Variants in PPP2R3A observed in about 807,000 individuals in gnomAD.
PPP2R3A encodes serine/threonine-protein phosphatase 2A regulatory subunit B'' subunit alpha.
Under a neutral mutation model 106.9 loss-of-function variants are expected in PPP2R3A, and 80 were observed. The observed-to-expected ratio is 0.75, with a 90% CI of 0.62 to 0.90. The LOEUF is 0.90. Among genes scored for constraint, PPP2R3A ranks in the 40% least tolerant of loss-of-function variants. The probability of loss-of-function intolerance (pLI) is 0.00; values close to 1 mark genes in which losing one functional copy is unlikely to be tolerated. For missense variants in PPP2R3A, 1,386 were observed against 1,350.4 expected (o/e 1.03, Z -0.41); for synonymous variants, 483 against 468.3 (o/e 1.03, Z -0.41).
chr3:135,973,805 C>A (rs928565818), intron 1 of PPP2R3A, among the ~76,000 whole-genome samples: 3 of 152,148 alleles, frequency 2.0e-5, no homozygotes, highest in Admixed American at 1.3e-4. Flanking sequence ...CACTATGTGC[C>A]AGGCACTGTT....
chr3:136,067,880 A>G (rs1371788648), intron 5 of PPP2R3A, among the ~76,000 whole-genome samples: 1 of 152,208 alleles, frequency 6.6e-6, no homozygotes, highest in Non-Finnish European at 1.5e-5. Context: ...CAAGATAAAC[A>G]TGGGTCATCT....
rs1479783435 is a variant in PPP2R3A at position 136,064,993 on chromosome 3, T to G, written c.2470-5485T>G. Among the ~76,000 whole-genome samples, 7 of 152,026 alleles carry G rather than the reference T, an allele frequency of 4.6e-5. No homozygotes were observed. In the East Asian group the frequency reaches 1.3e-3, roughly 29 times the overall value. ...CCTGCACAACATAAAAGTCAAAATA[T>G]TGCCAATAAAATATGAAGGTAAAAG... On this transcript the variant is annotated intron_variant, in intron 5 of 13. Transcript: ENST00000264977.
rs1401407528 is a variant in PPP2R3A at position 136,106,199 on chromosome 3, GTCT to G, written c.3223-12_3223-10del. 3 of 1,597,260 alleles carry G rather than the reference GTCT, an allele frequency of 1.9e-6. No individual in the cohort carries two copies. In the South Asian group the frequency reaches 3.4e-5, roughly 18 times the overall value. The stretch of plus-strand genomic sequence containing the variant: ...TTGATTTTTTTTATTTCTCGTGGCT[GTCT>G]TCTTTCCAATCAGGATGTTGAGAAC... On this transcript the variant is annotated splice_polypyrimidine_tract_variant and intron_variant, in intron 12 of 13. Coordinates refer to ENST00000264977, the MANE Select transcript of PPP2R3A (RefSeq NM_002718.5).
Position 136,139,563 on chromosome 3 carries a change from T to G in PPP2R3A, c.3330-5480T>G, listed in dbSNP as rs564843973. Among the ~76,000 whole-genome samples the G allele has an allele frequency of 7.9e-5, 12 of 151,930 alleles. No individual in the cohort carries two copies. In the South Asian group the frequency reaches 2.5e-3, roughly 32 times the overall value. On this transcript the variant is annotated intron_variant, in intron 13 of 13. Coordinates refer to ENST00000264977, the MANE Select transcript of PPP2R3A (RefSeq NM_002718.5). ...CAAAAGTTAGCTGGGCATGGTGTTA[T>G]GTGCCTGTAATCCCAACTACTCACG...
chr3:135,966,126 G>T (rs1203884204), intron 1 of PPP2R3A, among the ~76,000 whole-genome samples: 1 of 152,110 alleles, frequency 6.6e-6, no homozygotes, highest in South Asian at 2.1e-4. Context: ...CCTGCCCCAG[G>T]GGCGCCCGCG....
intron 13 of PPP2R3A, among the ~76,000 whole-genome samples, chr3:136,119,459 A>G (rs1282670794): frequency 2.0e-5 from 3 of 152,226 alleles, no homozygotes; most frequent in East Asian, 1.9e-4. Context: ...AATTTTTGCA[A>G]TCTATCCATC....
chr3:136,103,913 C>G (rs1937447446), intron 12 of PPP2R3A, among the ~76,000 whole-genome samples: 1 of 152,148 alleles, frequency 6.6e-6, no homozygotes, highest in South Asian at 2.1e-4. Flanking sequence ...GCTGAATATC[C>G]TTCCCCAGAC....
chr3:136,097,854 T>C (rs1937251872), intron 10 of PPP2R3A, among the ~76,000 whole-genome samples: 1 of 152,184 alleles, frequency 6.6e-6, no homozygotes. Context: ...CAACCAGATA[T>C]TATTACATGT....
At position 136,001,948 on chromosome 3, in the gene PPP2R3A, A is replaced by G. The variant is rs1169398670; in HGVS notation, c.450A>G (p.Ser150=). Residue 150 remains serine, a synonymous_variant, in exon 2 of 14, where the codon TCA becomes TCG. Transcript: ENST00000264977. The part of the protein sequence containing the change: ...YRKGRKVKSD[S]FNRRSVDLDL... ...AGGGAAGGAAAGTTAAGTCTGACTC[A>G]TTTAATAGGAGGTCAGTTGATTTGG... The G allele has an allele frequency of 3.7e-6, 6 of 1,614,190 alleles. No individual in the cohort carries two copies. Among genetic ancestry groups the G allele is most frequent in the Non-Finnish European group, 5.1e-6 (6 of 1,180,022 alleles).
intron 2 of PPP2R3A, among the ~76,000 whole-genome samples, chr3:136,009,495 C>G (rs1933969559): frequency 6.6e-6 from 1 of 152,174 alleles, no homozygotes; most frequent in Admixed American, 6.5e-5. Flanking sequence ...AATACAGGAG[C>G]TTCTCAATTC....
At chr3:136,066,678 G>A (rs2107899814) in intron 5 of PPP2R3A, among the ~76,000 whole-genome samples, 1 of 152,058 alleles carries the variant, frequency 6.6e-6, no homozygotes, top group Admixed American at 6.5e-5. Context: ...GGAGCAAGGT[G>A]TGGGGGAGTT....
chr3:136,108,098 A>T (rs1937544920), intron 13 of PPP2R3A, among the ~76,000 whole-genome samples: 1 of 152,152 alleles, frequency 6.6e-6, no homozygotes, highest in African/African-American at 2.4e-5. Flanking sequence ...CTGTAGTCCC[A>T]GCTACTCAGG....
At chr3:135,971,613 A>G (rs1017755767) in intron 1 of PPP2R3A, among the ~76,000 whole-genome samples, 4 of 152,198 alleles carry the variant, frequency 2.6e-5, no homozygotes, top group Admixed American at 6.5e-5. Context: ...CTTGTGAGGG[A>G]CCAGACTTCA....
At chr3:136,098,003 C>T (rs1309528443) in intron 10 of PPP2R3A, among the ~76,000 whole-genome samples, 3 of 152,180 alleles carry the variant, frequency 2.0e-5, no homozygotes, top group African/African-American at 7.2e-5. Context: ...CATAGCCAAC[C>T]TATTACCTCA....
At chr3:136,127,388 C>T (rs368506924) in intron 13 of PPP2R3A, among the ~76,000 whole-genome samples, 58 of 152,066 alleles carry the variant, frequency 3.8e-4, no homozygotes, top group African/African-American at 1.2e-3. Flanking sequence ...ACAGCTGATT[C>T]GATCAGGTGG....
intron 1 of PPP2R3A, among the ~76,000 whole-genome samples, chr3:135,989,960 A>G (rs1190091604): frequency 2.0e-5 from 3 of 152,186 alleles, no homozygotes; most frequent in Non-Finnish European, 2.9e-5. Context: ...AAATGTTCAC[A>G]TTGATACTAC....
At chr3:136,068,465 C>G (rs1232915922) in intron 5 of PPP2R3A, among the ~76,000 whole-genome samples, 1 of 152,134 alleles carries the variant, frequency 6.6e-6, no homozygotes, top group Non-Finnish European at 1.5e-5. Flanking sequence ...TTGTAGTGAG[C>G]TGAGATCGCA....
chr3:135,966,903 A>G (rs1022389865), intron 1 of PPP2R3A, among the ~76,000 whole-genome samples: 1 of 152,080 alleles, frequency 6.6e-6, no homozygotes, highest in Non-Finnish European at 1.5e-5. Flanking sequence ...TCTTGTAAAC[A>G]GAACCCAGCG....
chr3:136,104,076 C>T lies in PPP2R3A; in HGVS notation c.3222+700C>T, dbSNP rs189332137. Among the ~76,000 whole-genome samples, 86 of 152,208 alleles carry T rather than the reference C, an allele frequency of 5.7e-4. 1 individual carries two copies. Among genetic ancestry groups the T allele is most frequent in the South Asian group, 3.5e-3 (17 of 4,822 alleles). ...TTGAGTAACAGTAAACTATAAGAAGCTTTTGCATTCTTTTTTCTTCTGCAT... is the reference window on the plus strand; with the variant it reads ...TTGAGTAACAGTAAACTATAAGAAGTTTTTGCATTCTTTTTTCTTCTGCAT... On this transcript the variant is annotated intron_variant, in intron 12 of 13. Coordinates refer to ENST00000264977, the MANE Select transcript of PPP2R3A (RefSeq NM_002718.5).
Sources: allele counts gnomAD v4.1 joint callset (sites outside exome capture counted in the v4.1 genomes callset), GRCh38; gene constraint gnomAD v4.1.1; transcripts MANE v1.5; gene names NCBI Gene and HGNC (gene_info 2026-07-23, HGNC 2026-07-21).